SLC5A8: variants seen among roughly 807,000 people sequenced by gnomAD.
The protein encoded by SLC5A8 is sodium-coupled monocarboxylate transporter 1.
Under a neutral mutation model 71.9 loss-of-function variants are expected in SLC5A8, and 55 were observed. The ratio of observed to expected loss-of-function variants is 0.77; its 90% CI spans 0.62 to 0.96. SLC5A8 has a LOEUF of 0.96. SLC5A8 is among the 40% of genes least tolerant of loss of function. SLC5A8 has a pLI of 0.00. For missense variants in SLC5A8, 701 were observed against 745.3 expected, an observed-to-expected ratio of 0.94 and a Z score of 0.69; for synonymous variants, 307 against 276.1, an observed-to-expected ratio of 1.11 and a Z score of -1.11.
At position 101,209,833 on chromosome 12, in the gene SLC5A8, C is replaced by T. The variant is rs764354259; in HGVS notation, c.16G>A (p.Gly6Ser). 3 of 1,562,902 alleles carry T rather than the reference C, an allele frequency of 1.9e-6. No individual in the cohort carries two copies. The highest frequency in any genetic ancestry group is 2.6e-6 in the Non-Finnish European group (3 of 1,152,110). Residue 6 changes from glycine to serine, a missense_variant, in exon 1 of 15, where the codon GGC becomes AGC. By Grantham distance (56) the Gly-to-Ser change is moderately conservative. Coordinates refer to ENST00000536262, the MANE Select transcript of SLC5A8 (RefSeq NM_145913.5). ...TCCCACACCACGAAGGTGCCGATGC[C>T]CCGTGGCGTGTCCATGGCCGCACGG... MDTPR[G>S]IGTFVVWDYV... is the part of the protein sequence containing the mutation.
chr12:101,184,949 G>T (rs750820554), intron 7 of SLC5A8, among the ~76,000 whole-genome samples: 3 of 152,172 alleles, frequency 2.0e-5, no homozygotes, highest in Non-Finnish European at 4.4e-5. Flanking sequence ...ATCAGTTTCC[G>T]AATCAAAAGA....
At position 101,178,658 on chromosome 12, in the gene SLC5A8, C is replaced by T. The variant is rs7296757; in HGVS notation, c.1233+1371G>A. Among the ~76,000 whole-genome samples the T allele has an allele frequency of 5.3e-3, 799 of 152,158 alleles. 6 individuals carry two copies. Among genetic ancestry groups the T allele is most frequent in the African/African-American group, 0.018 (758 of 41,518 alleles). On this transcript the variant is annotated intron_variant, in intron 10 of 14. Coordinates refer to ENST00000536262, the MANE Select transcript of SLC5A8 (RefSeq NM_145913.5). The stretch of plus-strand genomic sequence containing the variant: ...CTCACATTTTATACAAAATTAACTC[C>T]AAAGGGATTGTAGACTTAAATATAA...
intron 10 of SLC5A8, among the ~76,000 whole-genome samples, chr12:101,172,534 A>T (rs2051839631): frequency 6.6e-6 from 1 of 152,140 alleles, no homozygotes; most frequent in South Asian, 2.1e-4. Flanking sequence ...ACTGGGCCTC[A>T]TCCCGTGGGT....
chr12:101,158,578 CTCTCTCTCTCTCTCTCTCTCTA>C (rs1269844827), intron 13 of SLC5A8, among the ~76,000 whole-genome samples: 263 of 63,652 alleles, frequency 4.1e-3, no homozygotes, highest in African/African-American at 0.015. Flanking sequence ...CTCTCTCTCT[CTCTCTCTCTCTCTCTCTCTCTA>C]TATATATATA....
At chr12:101,189,346 A>T (rs1013378583) in intron 6 of SLC5A8, among the ~76,000 whole-genome samples, 1 of 152,146 alleles carries the variant, frequency 6.6e-6, no homozygotes, top group African/African-American at 2.4e-5. Flanking sequence ...TAGATTTTTC[A>T]CTGTGAGTTC....
chr12:101,203,026 T>C (rs1480393221), intron 2 of SLC5A8, among the ~76,000 whole-genome samples: 1 of 152,138 alleles, frequency 6.6e-6, no homozygotes, highest in Admixed American at 6.5e-5. Flanking sequence ...TTTGCAAAAA[T>C]GAACTAACTT....
rs748497254 is a variant in SLC5A8, at chr12:101,168,132, G to A, written c.1284C>T (p.Phe428=). 24 of 1,610,164 alleles carry A rather than the reference G, an allele frequency of 1.5e-5. No homozygotes were observed. The highest frequency in any genetic ancestry group is 7.8e-5 in the South Asian group (7 of 90,022). ...CAAAGGGAACCAAAATGCCCAAAGC[G>A]AACAGGCCCATAAGTGGTCCACCAA... ...GMVGGPLMGL[F]ALGILVPFAN... Residue 428 remains phenylalanine, a synonymous_variant, in exon 11 of 15, where the codon TTC becomes TTT. Transcript: ENST00000536262.
At chr12:101,167,556 T>G (rs1385922122) in intron 11 of SLC5A8, among the ~76,000 whole-genome samples, 1 of 152,198 alleles carries the variant, frequency 6.6e-6, no homozygotes, top group Non-Finnish European at 1.5e-5. Context: ...CACAGATATG[T>G]CTAGGTAGAA....
intron 3 of SLC5A8, among the ~76,000 whole-genome samples, chr12:101,197,738 A>G (rs1869249129): frequency 6.6e-6 from 1 of 152,150 alleles, no homozygotes; most frequent in African/African-American, 2.4e-5. Flanking sequence ...ATTGATAATT[A>G]TATCTGGAGA....
At chr12:101,189,594 G>A (rs1868811605) in intron 6 of SLC5A8, among the ~76,000 whole-genome samples, 1 of 152,024 alleles carries the variant, frequency 6.6e-6, no homozygotes, top group Admixed American at 6.6e-5. Context: ...AGTGATGTGA[G>A]GCCTCCAGAG....
rs775782760 is a variant in SLC5A8 at position 101,204,573 on chromosome 12, A to C, written c.352-8T>G. ...AAATCGAAGTTCTAAATACTGTTGC[A>C]AAAAAAAAAATTATGCGAATCCTCT... On this transcript the variant is annotated splice_region_variant and splice_polypyrimidine_tract_variant and intron_variant, in intron 1 of 14. Coordinates refer to ENST00000536262, the MANE Select transcript of SLC5A8 (RefSeq NM_145913.5). 4 of 1,013,456 alleles carry C rather than the reference A, an allele frequency of 3.9e-6. No individual in the cohort carries two copies. Among genetic ancestry groups the C allele is most frequent in the African/African-American group, 1.7e-5 (1 of 59,198 alleles). The allele number at this position is 1,013,456 out of a possible 1,614,324, so 62.8% of individuals were successfully genotyped here. A position where few individuals can be genotyped will look rare whatever the true frequency, so the allele number is the denominator to read the frequency against.
intron 10 of SLC5A8, among the ~76,000 whole-genome samples, chr12:101,169,748 T>C (rs2051810223): frequency 6.6e-6 from 1 of 152,204 alleles, no homozygotes; most frequent in Non-Finnish European, 1.5e-5. Flanking sequence ...TTAGTTAATA[T>C]TCAAGCTAAA....
chr12:101,185,337 C>T (rs1240228136), intron 7 of SLC5A8, among the ~76,000 whole-genome samples: 1 of 152,172 alleles, frequency 6.6e-6, no homozygotes, highest in Non-Finnish European at 1.5e-5. Context: ...TAGGTTCCAT[C>T]TATAGTGTTA....
Position 101,204,547 on chromosome 12 carries a change from T to TA in SLC5A8, c.369dup (p.Asn124Ter). 1.2e-6 allele frequency: 2 copies of TA among 1,600,636 alleles called. No homozygotes were observed. The highest frequency in any genetic ancestry group is 1.7e-6 in the Non-Finnish European group (2 of 1,175,514). ...GTTCCACAGAGACGAACACATTTGTTAAATCGAAGTTCTAAATACTGTTGC... is the reference window on the plus strand; with the variant it reads ...GTTCCACAGAGACGAACACATTTGTTAAAATCGAAGTTCTAAATACTGTTGC... On this transcript the variant is annotated frameshift_variant, in exon 2 of 15. Transcript: ENST00000536262. LOFTEE classifies it high-confidence loss of function.
chr12:101,158,407 A>G (rs2051688181), intron 13 of SLC5A8, 79 bp from the exon 14 acceptor site: 2 of 894,582 alleles, frequency 2.2e-6, no homozygotes, highest in African/African-American at 3.5e-5. Context: ...TTATACAGGC[A>G]TTTAACTTGT....
intron 1 of SLC5A8, among the ~76,000 whole-genome samples, chr12:101,207,523 C>G (rs888606845): frequency 6.6e-6 from 1 of 152,170 alleles, no homozygotes; most frequent in Non-Finnish European, 1.5e-5. Flanking sequence ...TAGCCTCTAC[C>G]ACTGCAAGCA....
At position 101,209,621 on chromosome 12, in the gene SLC5A8, G is replaced by T; in HGVS notation, c.228C>A (p.Ser76=). 1.2e-6 allele frequency: 2 copies of T among 1,614,104 alleles called. No individual in the cohort carries two copies. The highest frequency in any genetic ancestry group is 8.5e-7 in the Non-Finnish European group (1 of 1,180,042). Residue 76 remains serine, a synonymous_variant, in exon 1 of 15, where the codon TCC becomes TCA. Transcript: ENST00000536262. The part of the protein sequence containing the change: ...MSAVTVLGTP[S]EVYRFGAIFS... ...AAATGGCCCCAAAACGGTAGACCTCGGAGGGGGTGCCCAGGACAGTGACGG... is the reference window on the plus strand; with the variant it reads ...AAATGGCCCCAAAACGGTAGACCTCTGAGGGGGTGCCCAGGACAGTGACGG...
intron 10 of SLC5A8, among the ~76,000 whole-genome samples, chr12:101,171,022 G>A (rs984999968): frequency 6.6e-6 from 1 of 152,216 alleles, no homozygotes; most frequent in Admixed American, 6.5e-5. Context: ...AGAATAGCAG[G>A]AGCAGGATGG....
At chr12:101,180,680 T>C (rs2051923840) in intron 9 of SLC5A8, among the ~76,000 whole-genome samples, 1 of 151,988 alleles carries the variant, frequency 6.6e-6, no homozygotes. Flanking sequence ...AAGTAGCACA[T>C]CTGCCCTAAT....
Sources: gnomAD v4.1 joint callset for allele counts (sites outside exome capture counted in the v4.1 genomes callset) on GRCh38, gnomAD v4.1.1 for gene constraint, MANE v1.5 for transcripts, NCBI Gene and HGNC (gene_info 2026-07-23, HGNC 2026-07-21) for gene names.